Variants in ZNF81 observed in about 807,000 individuals in gnomAD.
ZNF81 encodes zinc finger protein 81.
ZNF81 carries 5 observed loss-of-function variants against 32.3 expected under a neutral mutation model. The ratio of observed to expected loss-of-function variants is 0.15; its 90% CI spans 0.08 to 0.33. The LOEUF (loss-of-function observed/expected upper bound fraction) is 0.33. Ranked by LOEUF, ZNF81 falls within the 10% of genes least tolerant of loss-of-function variation. The pLI is 1.00. For missense variants in ZNF81, 379 were observed against 479.8 expected, an observed-to-expected ratio of 0.79 and a Z score of 1.96; for synonymous variants, 163 against 166.8, an observed-to-expected ratio of 0.98 and a Z score of 0.17.
chrX:47,914,451 A>G, intron 4 of ZNF81, among the ~76,000 whole-genome samples: 1 of 112,133 alleles, frequency 8.9e-6, no homozygotes, highest in Non-Finnish European at 1.9e-5. Context: ...AGTGCAATGC[A>G]TTACCTTTTC....
At chrX:47,905,489 T>A (rs1346824478) in intron 4 of ZNF81, among the ~76,000 whole-genome samples, 1 of 107,579 alleles carries the variant, frequency 9.3e-6, no homozygotes, top group Non-Finnish European at 1.9e-5. Flanking sequence ...TTTATATATA[T>A]CTACCAGAAA....
At position 47,923,389 on chromosome X, in the gene ZNF81, G is replaced by A. The variant is rs782807907; in HGVS notation, c.*6757G>A. 4.5e-5 allele frequency among the ~76,000 whole-genome samples: 5 copies of A among 111,427 alleles called. No homozygotes were observed. Among genetic ancestry groups the A allele is most frequent in the Non-Finnish European group, 7.5e-5 (4 of 53,045 alleles). ...AAGACCAAAGCTTGTGCTTTGGGTCGAGAAGGATATGCCTATAGAAGATAA... is the reference window on the plus strand; with the variant it reads ...AAGACCAAAGCTTGTGCTTTGGGTCAAGAAGGATATGCCTATAGAAGATAA... On this transcript the variant is annotated 3_prime_UTR_variant, in exon 5 of 5. Coordinates refer to ENST00000338637, the MANE Select transcript of ZNF81 (RefSeq NM_007137.5).
At chrX:47,899,301 T>A (rs2058690559) in intron 4 of ZNF81, among the ~76,000 whole-genome samples, 1 of 109,823 alleles carries the variant, frequency 9.1e-6, no homozygotes, top group African/African-American at 3.3e-5. Context: ...TTTTTTTTTT[T>A]AAATCATGAT....
chrX:47,911,030 C>T (rs1463183651), intron 4 of ZNF81, among the ~76,000 whole-genome samples: 1 of 110,967 alleles, frequency 9.0e-6, no homozygotes, highest in Non-Finnish European at 1.9e-5. Flanking sequence ...ATTCTTGTTT[C>T]TAGTTAATCT....
intron 2 of ZNF81, among the ~76,000 whole-genome samples, chrX:47,853,196 G>A (rs1326034840): frequency 1.2e-5 from 1 of 84,828 alleles, no homozygotes; most frequent in South Asian, 5.0e-4. Flanking sequence ...TTTTTTTTTT[G>A]AGATGGAGTC....
At chrX:47,885,187 G>A (rs1556885609) in intron 2 of ZNF81, among the ~76,000 whole-genome samples, 1 of 111,492 alleles carries the variant, frequency 9.0e-6, no homozygotes, top group African/African-American at 3.3e-5. Flanking sequence ...ATATTTGGGG[G>A]GATTTTTTGT....
At position 47,846,112 on chromosome X, in the gene ZNF81, G is replaced by A. The variant is rs1419984802; in HGVS notation, c.-156G>A. On this transcript the variant is annotated 5_prime_UTR_variant, in exon 2 of 5. Coordinates refer to ENST00000338637, the MANE Select transcript of ZNF81 (RefSeq NM_007137.5). ...TGGACACTGTCTTTCCAGAGTTCTT[G>A]GAGTCTCTGCGGAGTCCCTGGGCCA... 2 of 591,824 alleles carry A rather than the reference G, an allele frequency of 3.4e-6. No individual in the cohort carries two copies. The highest frequency in any genetic ancestry group is 5.6e-6 in the Non-Finnish European group (2 of 358,497). The allele number at this position is 591,824 out of a possible 1,213,427, so 48.8% of individuals were successfully genotyped here.
intron 3 of ZNF81, among the ~76,000 whole-genome samples, chrX:47,894,545 A>C (rs892534812): frequency 6.3e-5 from 7 of 110,997 alleles, no homozygotes; most frequent in Non-Finnish European, 1.3e-4. Flanking sequence ...CTCCTGGTGG[A>C]AGTATTTCTC....
Position 47,847,531 on chromosome X carries a change from G to C in ZNF81, c.54+1210G>C, listed in dbSNP as rs972575332. Among the ~76,000 whole-genome samples the C allele has an allele frequency of 2.7e-5, 3 of 111,907 alleles. No homozygotes were observed. The Admixed American group carries it at 2.8e-4, about 11-fold the overall frequency. ...CTTCTCTTTGAAGAAATCTCTCCTGGAGCTTGACTTGCTAAAGTCTGGACT... is the reference window on the plus strand; with the variant it reads ...CTTCTCTTTGAAGAAATCTCTCCTGCAGCTTGACTTGCTAAAGTCTGGACT... On this transcript the variant is annotated intron_variant, in intron 2 of 4. Coordinates refer to ENST00000338637, the MANE Select transcript of ZNF81 (RefSeq NM_007137.5).
At chrX:47,849,193 C>G in intron 2 of ZNF81, among the ~76,000 whole-genome samples, 1 of 111,486 alleles carries the variant, frequency 9.0e-6, no homozygotes, top group Non-Finnish European at 1.9e-5. Flanking sequence ...ATAGTTATGT[C>G]TTAAAAACGT....
intron 1 of ZNF81, among the ~76,000 whole-genome samples, chrX:47,845,336 C>G (rs908320319): frequency 2.7e-5 from 3 of 111,246 alleles, no homozygotes; most frequent in African/African-American, 6.5e-5. Flanking sequence ...CAGAGACACC[C>G]TCTCCTCCCT....
At chrX:47,882,907 C>T (rs782502509) in intron 2 of ZNF81, among the ~76,000 whole-genome samples, 8 of 112,549 alleles carry the variant, frequency 7.1e-5, no homozygotes, top group Non-Finnish European at 1.3e-4. Flanking sequence ...ATGAGAATCC[C>T]TTGAATCCAG....
chrX:47,849,666 C>G (rs1411935907), intron 2 of ZNF81, among the ~76,000 whole-genome samples: 44 of 105,799 alleles, frequency 4.2e-4, no homozygotes, highest in African/African-American at 1.3e-3. Flanking sequence ...GAGCGAGACT[C>G]CGTCTCAAAA....
At chrX:47,905,097 C>T (rs2058715835) in intron 4 of ZNF81, among the ~76,000 whole-genome samples, 2 of 109,399 alleles carry the variant, frequency 1.8e-5, no homozygotes, top group African/African-American at 3.3e-5. Context: ...TAGCATTAGC[C>T]GATATACCTA....
intron 4 of ZNF81, among the ~76,000 whole-genome samples, chrX:47,901,026 G>A (rs1242234765): frequency 9.0e-6 from 1 of 111,068 alleles, no homozygotes; most frequent in Non-Finnish European, 1.9e-5. Context: ...ACAGAAACCC[G>A]AGAAAAGGGG....
chrX:47,850,150 C>T (rs2058487766), intron 2 of ZNF81, among the ~76,000 whole-genome samples: 1 of 110,977 alleles, frequency 9.0e-6, no homozygotes. Flanking sequence ...TACCAGGACA[C>T]ATGTATAAAT....
At chrX:47,844,826 A>G (rs984282159) in intron 1 of ZNF81, among the ~76,000 whole-genome samples, 19 of 112,294 alleles carry the variant, frequency 1.7e-4, no homozygotes, top group Admixed American at 1.6e-3. Flanking sequence ...ATTTATTCAC[A>G]GCTCACCAAC....
At chrX:47,861,442 A>C (rs5906501) in intron 2 of ZNF81, among the ~76,000 whole-genome samples, 1 of 110,447 alleles carries the variant, frequency 9.1e-6, no homozygotes, top group African/African-American at 3.3e-5. Context: ...TCACATCTCC[A>C]CCTTGTTTCT....
At chrX:47,882,519 C>T (rs1232856415) in intron 2 of ZNF81, among the ~76,000 whole-genome samples, 1 of 112,447 alleles carries the variant, frequency 8.9e-6, no homozygotes, top group Non-Finnish European at 1.9e-5. Context: ...TTTGTGTAGA[C>T]ATTCATGTGT....
Sources: gnomAD v4.1 joint callset for allele counts (sites outside exome capture counted in the v4.1 genomes callset) on GRCh38, gnomAD v4.1.1 for gene constraint, MANE v1.5 for transcripts, NCBI Gene and HGNC (gene_info 2026-07-23, HGNC 2026-07-21) for gene names.